The following OSTM1 variants were observed in gnomAD, a reference collection of about 807,000 sequenced individuals.
OSTM1 encodes osteopetrosis-associated transmembrane protein 1.
Under a neutral mutation model 35.4 loss-of-function variants are expected in OSTM1, and 26 were observed. That is an observed-to-expected ratio of 0.73 (90% CI 0.54 to 1.02). The LOEUF (loss-of-function observed/expected upper bound fraction) is 1.02, where lower values mean the gene tolerates loss of function less well. Ranked by LOEUF, OSTM1 falls within the 50% of genes least tolerant of loss-of-function variation. OSTM1 has a pLI of 0.00. For synonymous variants in OSTM1, 181 were observed against 165.0 expected (o/e 1.10, Z -0.75); for missense variants, 366 against 409.6 (o/e 0.89, Z 0.92).
In OSTM1 at chr6:108,044,730, G is replaced by A. The variant is rs1771936170; in HGVS notation, c.*55C>T. On this transcript the variant is annotated 3_prime_UTR_variant, in exon 6 of 6. Transcript: ENST00000193322. ...CAGTTTATCTTCTTTCTGAAACCAA[G>A]TTGTGTCTTCCACCATTCATTCACG... The A allele has an allele frequency of 4.4e-5, 43 of 970,026 alleles. No individual in the cohort carries two copies. The South Asian group carries it at 5.9e-4, about 13-fold the overall frequency. 60.1% of individuals were successfully genotyped at this position (970,026 alleles called of 1,614,324 possible).
chr6:108,069,541 A>G (rs1475494044), intron 1 of OSTM1, among the ~76,000 whole-genome samples: 1 of 152,194 alleles, frequency 6.6e-6, no homozygotes, highest in Admixed American at 6.5e-5. Flanking sequence ...AACACTATCT[A>G]AATTTTAAAC....
chr6:108,047,159 C>G (rs1771990683), intron 5 of OSTM1, among the ~76,000 whole-genome samples: 1 of 152,148 alleles, frequency 6.6e-6, no homozygotes, highest in Non-Finnish European at 1.5e-5. Flanking sequence ...AAAGACGGCA[C>G]AGAAGAACAA....
intron 3 of OSTM1, among the ~76,000 whole-genome samples, chr6:108,052,296 G>A (rs551459136): frequency 5.9e-5 from 9 of 152,016 alleles, no homozygotes; most frequent in Non-Finnish European, 8.8e-5. Flanking sequence ...AGCCGGGCGT[G>A]GTGGCGGGCA....
chr6:108,053,719 G>A (rs932873369), intron 3 of OSTM1, among the ~76,000 whole-genome samples: 1 of 152,094 alleles, frequency 6.6e-6, no homozygotes, highest in African/African-American at 2.4e-5. Context: ...GCCTGCCTTG[G>A]CCTCCCAAGG....
At chr6:108,052,765 G>C (rs6933101) in intron 3 of OSTM1, among the ~76,000 whole-genome samples, 3,313 of 152,210 alleles carry the variant, frequency 0.022, 114 homozygotes, top group African/African-American at 0.076. Context: ...AAGAGTCCTT[G>C]TTTCCAAAGA....
chr6:108,065,058 T>C (rs943119826), intron 1 of OSTM1, among the ~76,000 whole-genome samples: 6 of 151,696 alleles, frequency 4.0e-5, no homozygotes, highest in African/African-American at 1.5e-4. Flanking sequence ...GGGGTTTCAC[T>C]ATGTTGGCCA....
chr6:108,069,081 C>T (rs1252469991), intron 1 of OSTM1, among the ~76,000 whole-genome samples: 1 of 152,200 alleles, frequency 6.6e-6, no homozygotes, highest in Non-Finnish European at 1.5e-5. Flanking sequence ...CTACCTACCC[C>T]CCAGTCATAC....
chr6:108,048,465 T>C (rs1772017199), intron 5 of OSTM1, among the ~76,000 whole-genome samples: 1 of 152,214 alleles, frequency 6.6e-6, no homozygotes, highest in Non-Finnish European at 1.5e-5. Flanking sequence ...AGGGAATTAA[T>C]ATGTATTGAG....
At chr6:108,057,026 C>G (rs1384967967) in intron 2 of OSTM1, among the ~76,000 whole-genome samples, 1 of 152,074 alleles carries the variant, frequency 6.6e-6, no homozygotes, top group African/African-American at 2.4e-5. Flanking sequence ...TCCAGGAGTT[C>G]GAGACCAGCC....
intron 1 of OSTM1, among the ~76,000 whole-genome samples, chr6:108,071,459 A>C (rs1772482297): frequency 8.2e-6 from 1 of 122,552 alleles, no homozygotes; most frequent in South Asian, 2.5e-4. Context: ...ACACCCGGCT[A>C]ATTTTTTTTT....
At chr6:108,046,386 G>T (rs936092097) in intron 5 of OSTM1, among the ~76,000 whole-genome samples, 1 of 146,494 alleles carries the variant, frequency 6.8e-6, no homozygotes, top group African/African-American at 2.6e-5. Context: ...CTGTCGCCCA[G>T]GCTGGAGTGC....
intron 2 of OSTM1, among the ~76,000 whole-genome samples, chr6:108,063,073 C>G (rs1191650866): frequency 6.6e-6 from 1 of 151,720 alleles, no homozygotes; most frequent in Non-Finnish European, 1.5e-5. Context: ...AATGCAGTGG[C>G]ACAATCATAT....
In OSTM1 at chr6:108,054,229, TC is replaced by T. The variant is rs1772131291; in HGVS notation, c.615+260del. ...CACACCTCAATCAATGTTTTCACAA[TC>T]ATTATCTCACCAGATTCTCATTACA... On this transcript the variant is annotated intron_variant, in intron 3 of 5. Transcript: ENST00000193322. Among the ~76,000 whole-genome samples, 4 of 152,348 alleles carry T rather than the reference TC, an allele frequency of 2.6e-5. No homozygotes were observed. The South Asian group carries it at 8.3e-4, about 32-fold the overall frequency.
Position 108,064,256 on chromosome 6 carries a change from G to A in OSTM1, c.446C>T (p.Ala149Val), listed in dbSNP as rs1465643575. 3 of 1,603,580 alleles carry A rather than the reference G, an allele frequency of 1.9e-6. No individual in the cohort carries two copies. The highest frequency in any genetic ancestry group is 2.6e-6 in the Non-Finnish European group (3 of 1,173,052). Residue 149 changes from alanine (A) to valine (V), a missense_variant, in exon 2 of 6, where the codon GCA becomes GTA. Physicochemically the swap from Ala to Val is moderately conservative, Grantham distance 64 (BLOSUM62 0). Transcript: ENST00000193322. ...SQSCARSLLMADRMQIVVILS... is the reference protein window; with the variant it reads ...SQSCARSLLMVDRMQIVVILS... ...AATCACAACTATTTGCATTCTATCTGCCATTAAGAGACTTCTGGCACAACT... is the reference window on the plus strand; with the variant it reads ...AATCACAACTATTTGCATTCTATCTACCATTAAGAGACTTCTGGCACAACT...
intron 1 of OSTM1, among the ~76,000 whole-genome samples, chr6:108,071,534 A>G (rs1772485202): frequency 7.0e-6 from 1 of 142,204 alleles, no homozygotes; most frequent in African/African-American, 2.7e-5. Context: ...GCTGGTCTCG[A>G]ACTCCTGGCC....
At chr6:108,057,803 T>A (rs1296154219) in intron 2 of OSTM1, among the ~76,000 whole-genome samples, 1 of 152,186 alleles carries the variant, frequency 6.6e-6, no homozygotes, top group Non-Finnish European at 1.5e-5. Context: ...AGATCTCTAG[T>A]AAATTCCTTT....
chr6:108,066,844 A>C (rs1187826610), intron 1 of OSTM1, among the ~76,000 whole-genome samples: 2 of 152,188 alleles, frequency 1.3e-5, no homozygotes, highest in Non-Finnish European at 2.9e-5. Flanking sequence ...TCTTCTGGAC[A>C]GATGTCCCTT....
Sources: allele counts gnomAD v4.1 joint callset (sites outside exome capture counted in the v4.1 genomes callset), GRCh38; gene constraint gnomAD v4.1.1; transcripts MANE v1.5; gene names NCBI Gene and HGNC (gene_info 2026-07-23, HGNC 2026-07-21).